The following RAB18 variants were observed in gnomAD, a reference collection of about 807,000 sequenced individuals.
The protein encoded by RAB18 is RAB18, member RAS oncogene family.
Under a neutral mutation model 28.5 loss-of-function variants are expected in RAB18, and 10 were observed. The ratio of observed to expected loss-of-function variants is 0.35; its 90% CI spans 0.22 to 0.60. The LOEUF is 0.60. Among genes scored for constraint, RAB18 ranks in the 20% least tolerant of loss-of-function variants. RAB18 has a pLI of 0.78. For synonymous variants in RAB18, 93 were observed against 86.9 expected (o/e 1.07, Z -0.39); for missense variants, 188 against 244.2 (o/e 0.77, Z 1.53).
chr10:27,517,139 G>A (rs1401100044), intron 2 of RAB18, among the ~76,000 whole-genome samples: 1 of 152,104 alleles, frequency 6.6e-6, no homozygotes, highest in East Asian at 1.9e-4. Context: ...GAGGAGGGCG[G>A]ATCACCTGAT....
chr10:27,507,920 G>A (rs1484574494), intron 1 of RAB18, among the ~76,000 whole-genome samples: 3 of 151,558 alleles, frequency 2.0e-5, no homozygotes, highest in South Asian at 2.1e-4. Context: ...ATGCACACCT[G>A]TCATGCCAGT....
chr10:27,535,962 A>G (rs995171173), intron 6 of RAB18, among the ~76,000 whole-genome samples: 28 of 152,114 alleles, frequency 1.8e-4, no homozygotes, highest in Admixed American at 2.6e-4. Context: ...GGGTGCCTGT[A>G]GTCCCAGCTA....
intron 2 of RAB18, among the ~76,000 whole-genome samples, chr10:27,522,955 A>G (rs1834591321): frequency 6.6e-6 from 1 of 151,938 alleles, no homozygotes; most frequent in Non-Finnish European, 1.5e-5. Flanking sequence ...TTTTAGAAGC[A>G]ACTTTTGGAT....
intron 2 of RAB18, among the ~76,000 whole-genome samples, chr10:27,516,661 C>T (rs1258458102): frequency 1.3e-5 from 2 of 152,002 alleles, no homozygotes; most frequent in African/African-American, 4.8e-5. Flanking sequence ...TCCAGCCTCC[C>T]AACTTCTAAT....
At chr10:27,524,885 G>A (rs1834640547) in intron 2 of RAB18, among the ~76,000 whole-genome samples, 7 of 152,190 alleles carry the variant, frequency 4.6e-5, no homozygotes, top group Admixed American at 3.9e-4. Context: ...AGATGACTGG[G>A]GACTTTAGGG....
intron 2 of RAB18, among the ~76,000 whole-genome samples, chr10:27,516,140 ATTC>A (rs1834433500): frequency 6.6e-6 from 1 of 152,042 alleles, no homozygotes; most frequent in Non-Finnish European, 1.5e-5. Context: ...TTTAATGCTT[ATTC>A]TTTGTTAAAG....
At chr10:27,530,126 C>G (rs1431132654) in intron 3 of RAB18, among the ~76,000 whole-genome samples, 1 of 151,938 alleles carries the variant, frequency 6.6e-6, no homozygotes, top group African/African-American at 2.4e-5. Context: ...TTCATGTTCA[C>G]TTGTTTTTCT....
chr10:27,505,107 G>A, intron 1 of RAB18: 1 of 533,502 alleles, frequency 1.9e-6, no homozygotes, highest in Non-Finnish European at 3.8e-6. Flanking sequence ...GCCACATCCT[G>A]TGGAGACAGA....
chr10:27,505,096 TG>T, intron 1 of RAB18: 1 of 532,766 alleles, frequency 1.9e-6, no homozygotes, highest in South Asian at 1.4e-5. Flanking sequence ...TTTCTCATTT[TG>T]CCACATCCTG....
chr10:27,514,783 T>C (rs1332677939), intron 2 of RAB18, among the ~76,000 whole-genome samples: 1 of 152,048 alleles, frequency 6.6e-6, no homozygotes, highest in Admixed American at 6.5e-5. Flanking sequence ...GTTTTTTTTT[T>C]TCTTTGAGGC....
chr10:27,513,034 T>TATATATATA lies in RAB18; in HGVS notation c.124+3104_124+3105insATATATATA, dbSNP rs200640744. ...TAATAACATATATATATATATATAT[T>TATATATATA]TTTTTTTTTTTTTTGGAGACAAGAG... On this transcript the variant is annotated intron_variant, in intron 2 of 6. Transcript: ENST00000356940. 1.8e-3 allele frequency among the ~76,000 whole-genome samples: 205 copies of TATATATATA among 116,352 alleles called. 1 individual carries two copies. The highest frequency in any genetic ancestry group is 6.4e-3 in the African/African-American group (199 of 30,874). 76.3% of individuals were successfully genotyped at this position (116,352 alleles called of 152,430 possible).
chr10:27,539,098 T>G lies in RAB18; in HGVS notation c.*1047T>G, dbSNP rs983211187. 100 of 421,474 alleles carry G rather than the reference T, an allele frequency of 2.4e-4. 1 individual carries two copies. Among genetic ancestry groups the G allele is most frequent in the Non-Finnish European group, 4.1e-4 (86 of 211,074 alleles). The allele number at this position is 421,474 out of a possible 1,614,324, so 26.1% of individuals were successfully genotyped here. ...CACAATGAAAATCTTGACAATTTAC[T>G]TAACAAGTAACCAGTAGTTCATCAA... On this transcript the variant is annotated 3_prime_UTR_variant, in exon 7 of 7. Transcript: ENST00000356940.
At chr10:27,508,866 T>A (rs1834264951) in intron 1 of RAB18, among the ~76,000 whole-genome samples, 1 of 152,198 alleles carries the variant, frequency 6.6e-6, no homozygotes, top group Non-Finnish European at 1.5e-5. Flanking sequence ...TTTAGATATC[T>A]GATGGCTGTT....
chr10:27,522,935 A>G (rs892455853), intron 2 of RAB18, among the ~76,000 whole-genome samples: 2 of 151,448 alleles, frequency 1.3e-5, no homozygotes, highest in African/African-American at 4.8e-5. Context: ...TATCAGTTTT[A>G]TTGGTTTTCT....
At chr10:27,520,376 C>T (rs948685155) in intron 2 of RAB18, among the ~76,000 whole-genome samples, 8 of 151,156 alleles carry the variant, frequency 5.3e-5, no homozygotes, top group African/African-American at 1.7e-4. Flanking sequence ...TTCTCTCACT[C>T]TCTTTTTTTT....
intron 3 of RAB18, among the ~76,000 whole-genome samples, chr10:27,531,168 C>T (rs926430762): frequency 4.6e-5 from 7 of 151,948 alleles, no homozygotes; most frequent in African/African-American, 1.4e-4. Context: ...TTAAGCATGG[C>T]AGGGTGGGGA....
At chr10:27,534,587 C>T (rs548640582) in intron 6 of RAB18, among the ~76,000 whole-genome samples, 18 of 152,296 alleles carry the variant, frequency 1.2e-4, no homozygotes, top group Admixed American at 4.6e-4. Flanking sequence ...GCCCACGAAG[C>T]CTAAATATTT....
At chr10:27,504,755 GC>G in intron 1 of RAB18, 2 of 601,496 alleles carry the variant, frequency 3.3e-6, no homozygotes, top group East Asian at 3.7e-5. Flanking sequence ...GGCGTGGCGG[GC>G]TGGTTTGGGC....
chr10:27,531,785 CA>C (rs1834793564), intron 3 of RAB18, among the ~76,000 whole-genome samples: 1 of 150,184 alleles, frequency 6.7e-6, no homozygotes, highest in Non-Finnish European at 1.5e-5. Context: ...TAAATAGGTT[CA>C]TTCTTTTTTT....
Sources: allele counts gnomAD v4.1 joint callset (sites outside exome capture counted in the v4.1 genomes callset), GRCh38; gene constraint gnomAD v4.1.1; transcripts MANE v1.5; gene names NCBI Gene and HGNC (gene_info 2026-07-23, HGNC 2026-07-21).